IPO11: variants seen among roughly 807,000 people sequenced by gnomAD.
IPO11 encodes the protein importin-11.
In IPO11, 66 loss-of-function variants were observed where a neutral mutation model predicts 143.2. The observed-to-expected ratio is 0.46, with a 90% CI of 0.38 to 0.57. The LOEUF (loss-of-function observed/expected upper bound fraction) is 0.57, where lower values mean the gene tolerates loss of function less well. Ranked by LOEUF, IPO11 falls within the 20% of genes least tolerant of loss-of-function variation. IPO11 has a pLI of 0.00. For synonymous variants in IPO11, 385 were observed against 377.8 expected (o/e 1.02, Z -0.22); for missense variants, 1,026 against 1,141.0 (o/e 0.90, Z 1.45).
intron 12 of IPO11, 44 bp downstream of exon 12, chr5:62,485,506 C>A: frequency 3.6e-6 from 5 of 1,393,688 alleles, no homozygotes; most frequent in Non-Finnish European, 5.1e-6. Context: ...AAAGCTTAAT[C>A]TTTCTAAAGC....
chr5:62,437,584 A>ATT (rs1489923020), intron 2 of IPO11, among the ~76,000 whole-genome samples, 167 bp downstream of exon 2: 5 of 152,284 alleles, frequency 3.3e-5, no homozygotes, highest in Admixed American at 6.5e-5. Context: ...AGGGTGTTAA[A>ATT]TAAATATTTA....
At chr5:62,507,527 T>C (rs761951293) in intron 19 of IPO11, among the ~76,000 whole-genome samples, 2 of 152,212 alleles carry the variant, frequency 1.3e-5, no homozygotes, top group Non-Finnish European at 2.9e-5. Context: ...ATGTATAAAA[T>C]GGTAAAGATA....
intron 28 of IPO11, 86 bp from the exon 29 acceptor site, chr5:62,601,678 C>T (rs1248569158): frequency 5.3e-6 from 3 of 568,870 alleles, no homozygotes; most frequent in Non-Finnish European, 8.5e-6. Flanking sequence ...TAGAATTATT[C>T]ATGTTCTTAG....
chr5:62,415,890 C>T (rs1743278849), intron 1 of IPO11, among the ~76,000 whole-genome samples: 1 of 152,196 alleles, frequency 6.6e-6, no homozygotes, highest in Admixed American at 6.5e-5. Flanking sequence ...CTCTATCTGT[C>T]CATCTCTAAT....
chr5:62,526,311 C>G, intron 21 of IPO11, 54 bp downstream of exon 21: 1 of 1,236,200 alleles, frequency 8.1e-7, no homozygotes, highest in Non-Finnish European at 1.2e-6. Flanking sequence ...ACCTTTCCTA[C>G]TCTCATGCCA....
At chr5:62,567,152 C>T (rs557503955) in intron 27 of IPO11, among the ~76,000 whole-genome samples, 1 of 152,198 alleles carries the variant, frequency 6.6e-6, no homozygotes. Flanking sequence ...GAGAAAGTCT[C>T]TATCTCTCCT....
chr5:62,500,645 A>C (rs1472725435), intron 16 of IPO11, among the ~76,000 whole-genome samples: 1 of 152,118 alleles, frequency 6.6e-6, no homozygotes, highest in Admixed American at 6.5e-5. Context: ...TTACAAGTGC[A>C]TGTTACCAGG....
intron 28 of IPO11, among the ~76,000 whole-genome samples, chr5:62,595,795 T>C (rs1477358): frequency 0.44 from 66,347 of 151,760 alleles, 15,088 homozygotes; most frequent in South Asian, 0.53. Flanking sequence ...CTAGAGTTTT[T>C]ATTAAGCCAA....
At chr5:62,483,798 G>C (rs1409927283) in intron 10 of IPO11, among the ~76,000 whole-genome samples, 2 of 152,098 alleles carry the variant, frequency 1.3e-5, no homozygotes, top group East Asian at 3.9e-4. Flanking sequence ...GTATTGCATG[G>C]TAATATATAA....
In IPO11 at chr5:62,484,173, A is replaced by G. The variant is rs750006066; in HGVS notation, c.1174+11A>G. 3.2e-6 allele frequency: 5 copies of G among 1,582,026 alleles called. No homozygotes were observed. The South Asian group carries it at 5.9e-5, about 19-fold the overall frequency. On this transcript the variant is annotated intron_variant, in intron 11 of 29. Coordinates refer to ENST00000325324, the MANE Select transcript of IPO11 (RefSeq NM_016338.5). ...ACCCAGAAGGCTTTAGTAAGAATTA[A>G]TTTTTTAGTGTTAGAATGACTTTTC...
intron 22 of IPO11, among the ~76,000 whole-genome samples, chr5:62,531,540 G>C (rs1245110344): frequency 6.6e-6 from 1 of 152,078 alleles, no homozygotes; most frequent in Non-Finnish European, 1.5e-5. Context: ...GTGCTGGCCA[G>C]GCTGGTCTCG....
At chr5:62,515,642 A>G in intron 20 of IPO11, 141 bp downstream of exon 20, 1 of 564,496 alleles carries the variant, frequency 1.8e-6, no homozygotes, top group Non-Finnish European at 3.0e-6. Context: ...TCCATGTGTG[A>G]TCTAAACCGA....
At chr5:62,598,760 G>A (rs1276161307) in intron 28 of IPO11, among the ~76,000 whole-genome samples, 2 of 151,294 alleles carry the variant, frequency 1.3e-5, no homozygotes, top group African/African-American at 4.9e-5. Context: ...GGCCAGGCTG[G>A]TCTTGAACTC....
At chr5:62,487,694 G>A in intron 12 of IPO11, 77 bp from the exon 13 acceptor site, 2 of 1,267,306 alleles carry the variant, frequency 1.6e-6, no homozygotes, top group Admixed American at 3.0e-5. Context: ...TTAAGATTAA[G>A]TATTTGCTTT....
chr5:62,421,873 G>A (rs958388319), intron 1 of IPO11, among the ~76,000 whole-genome samples: 1 of 152,190 alleles, frequency 6.6e-6, no homozygotes, highest in South Asian at 2.1e-4. Context: ...GCAAGAATGA[G>A]ATTCTTATAA....
At chr5:62,590,121 C>G (rs1381969024) in intron 27 of IPO11, among the ~76,000 whole-genome samples, 3 of 152,260 alleles carry the variant, frequency 2.0e-5, no homozygotes, top group African/African-American at 7.2e-5. Flanking sequence ...GTCTTTATTA[C>G]TTGCCAATTG....
chr5:62,414,067 G>A (rs1033880110), intron 1 of IPO11, among the ~76,000 whole-genome samples: 2 of 152,210 alleles, frequency 1.3e-5, no homozygotes, highest in African/African-American at 4.8e-5. Flanking sequence ...GGGTAGGAGG[G>A]TGGTCTCCGC....
At chr5:62,466,062 A>T (rs1354575266) in intron 5 of IPO11, among the ~76,000 whole-genome samples, 2 of 152,244 alleles carry the variant, frequency 1.3e-5, no homozygotes, top group Non-Finnish European at 2.9e-5. Context: ...CTGTCTCATG[A>T]TAGCCTAATG....
At position 62,561,247 on chromosome 5, in the gene IPO11, T is replaced by A. The variant is rs1262111820; in HGVS notation, c.2572T>A (p.Ser858Thr). 4 of 1,554,708 alleles carry A rather than the reference T, an allele frequency of 2.6e-6. No individual in the cohort carries two copies. The highest frequency in any genetic ancestry group is 2.6e-6 in the Non-Finnish European group (3 of 1,148,436). Residue 858 changes from serine (S) to threonine (T), a missense_variant, in exon 27 of 30, where the codon TCT becomes ACT. Physicochemically the swap from Ser to Thr is moderately conservative, Grantham distance 58 (BLOSUM62 1). This residue lies in a region of IPO11 where 351 missense variants were observed against 358.9 expected (regional missense o/e 0.98). Coordinates refer to ENST00000325324, the MANE Select transcript of IPO11 (RefSeq NM_016338.5). ...SALALLSLLP[S>T]DNSVIQDKFC... Reference sequence around the variant, plus strand: ...TTTGGCTTTGCTCTCTCTTCTGCCATCTGATAATAGGTGAGGAAATGTTTT... The same window carrying A: ...TTTGGCTTTGCTCTCTCTTCTGCCAACTGATAATAGGTGAGGAAATGTTTT...
Sources: allele counts gnomAD v4.1 joint callset (sites outside exome capture counted in the v4.1 genomes callset), GRCh38; gene constraint gnomAD v4.1.1; regional missense constraint gnomAD v4.1.1; transcripts MANE v1.5; gene names NCBI Gene and HGNC (gene_info 2026-07-23, HGNC 2026-07-21).